Variants in SMYD3 observed in about 807,000 individuals in gnomAD.
SMYD3 encodes histone-lysine N-methyltransferase SMYD3.
Under a neutral mutation model 57.7 loss-of-function variants are expected in SMYD3, and 36 were observed. The observed-to-expected ratio is 0.62, with a 90% CI of 0.48 to 0.82. The LOEUF is 0.82. Among genes scored for constraint, SMYD3 ranks in the 40% least tolerant of loss-of-function variants. The pLI is 0.00. For synonymous variants in SMYD3, 211 were observed against 195.0 expected, an observed-to-expected ratio of 1.08 and a Z score of -0.68; for missense variants, 515 against 538.8, an observed-to-expected ratio of 0.96 and a Z score of 0.44.
At chr1:245,916,903 G>A (rs1352839031) in intron 7 of SMYD3, among the ~76,000 whole-genome samples, 4 of 152,148 alleles carry the variant, frequency 2.6e-5, no homozygotes, top group African/African-American at 9.7e-5. Context: ...CCCCGCATTG[G>A]TGCCAGTGCG....
At chr1:246,506,282 C>T (rs962377378) in intron 1 of SMYD3, among the ~76,000 whole-genome samples, 3 of 152,342 alleles carry the variant, frequency 2.0e-5, no homozygotes, top group Admixed American at 2.0e-4. Flanking sequence ...TCACATAGCA[C>T]TTTACACCGG....
chr1:246,148,134 T>C (rs2061885017), intron 5 of SMYD3, among the ~76,000 whole-genome samples: 1 of 151,694 alleles, frequency 6.6e-6, no homozygotes, highest in Non-Finnish European at 1.5e-5. Flanking sequence ...GGGACCGGAG[T>C]GGGGACTTGT....
intron 5 of SMYD3, among the ~76,000 whole-genome samples, chr1:246,067,382 C>A (rs1235136311): frequency 6.6e-6 from 1 of 152,172 alleles, no homozygotes; most frequent in Non-Finnish European, 1.5e-5. Context: ...TCACTCCCTT[C>A]AGCATTCTTC....
intron 1 of SMYD3, chr1:246,483,576 T>A (rs1039473095): frequency 7.2e-5 from 11 of 152,218 alleles, no homozygotes; most frequent in Admixed American, 1.3e-4. Flanking sequence ...GCTATCTCTA[T>A]TGCAGATGTA....
intron 5 of SMYD3, among the ~76,000 whole-genome samples, chr1:246,138,660 C>G (rs1399053173): frequency 1.5e-5 from 2 of 135,584 alleles, no homozygotes. Flanking sequence ...CTCCTGACCT[C>G]GTGATCCGCC....
intron 10 of SMYD3, among the ~76,000 whole-genome samples, chr1:245,813,899 T>C (rs1322615552): frequency 2.2e-4 from 22 of 100,584 alleles, no homozygotes; most frequent in African/African-American, 6.6e-4. Flanking sequence ...TATATATATA[T>C]ATATACAGAT....
chr1:246,096,864 G>C (rs2060924864), intron 5 of SMYD3, among the ~76,000 whole-genome samples: 1 of 152,154 alleles, frequency 6.6e-6, no homozygotes. Context: ...ACCACCAAAT[G>C]ATCTGTCCAT....
chr1:246,048,012 G>A lies in SMYD3; in HGVS notation c.532-118075C>T, dbSNP rs75252878. ...GTCAAGAGACAAGTGACATCCTAGC[G>A]AAAATATCCGTAAAATGTTGAACAA... On this transcript the variant is annotated intron_variant, in intron 5 of 11. Coordinates refer to ENST00000490107, the MANE Select transcript of SMYD3 (RefSeq NM_001167740.2). Among the ~76,000 whole-genome samples the A allele has an allele frequency of 0.012, 1,881 of 152,088 alleles. 189 individuals carry two copies. In the East Asian group the frequency reaches 0.23, roughly 19 times the overall value.
At chr1:246,176,191 C>A (rs966995112) in intron 5 of SMYD3, among the ~76,000 whole-genome samples, 1 of 152,080 alleles carries the variant, frequency 6.6e-6, no homozygotes, top group African/African-American at 2.4e-5. Flanking sequence ...TCTTTTTTAT[C>A]TGCTACTTAG....
At chr1:246,506,809 T>A (rs900270530) in intron 1 of SMYD3, among the ~76,000 whole-genome samples, 2 of 142,040 alleles carry the variant, frequency 1.4e-5, no homozygotes, top group Non-Finnish European at 3.0e-5. Context: ...CAGCCCAGGT[T>A]GGGGGGCAGT....
intron 5 of SMYD3, among the ~76,000 whole-genome samples, chr1:245,995,474 G>A (rs2058909851): frequency 6.6e-6 from 1 of 152,234 alleles, no homozygotes; most frequent in Non-Finnish European, 1.5e-5. Flanking sequence ...AACGTGTTTG[G>A]TAAATATTTA....
rs112792525 is a variant in SMYD3 at position 246,484,098 on chromosome 1, A to G, written c.164+22956T>C. 1.3e-3 allele frequency among the ~76,000 whole-genome samples: 87 copies of G among 66,294 alleles called. 1 individual carries two copies. Among genetic ancestry groups the G allele is most frequent in the African/African-American group, 3.4e-3 (29 of 8,480 alleles). 43.5% of individuals were successfully genotyped at this position (66,294 alleles called of 152,430 possible). On this transcript the variant is annotated intron_variant, in intron 1 of 11. Transcript: ENST00000490107. ...CATTGTACTAGTTACACCTAAAAAC[A>G]CATCACTTCAACCAAAATACCTAAA... is the stretch of plus-strand genomic sequence containing the variant.
At chr1:246,410,179 C>T (rs1572474207) in intron 1 of SMYD3, among the ~76,000 whole-genome samples, 3 of 152,104 alleles carry the variant, frequency 2.0e-5, no homozygotes, top group African/African-American at 2.4e-5. Flanking sequence ...TCCTGCCTGA[C>T]TGCCCTGGCC....
At chr1:246,091,490 CA>C in intron 5 of SMYD3, among the ~76,000 whole-genome samples, 1 of 96,242 alleles carries the variant, frequency 1.0e-5, no homozygotes, top group Non-Finnish European at 2.7e-5. Flanking sequence ...TAAACCTCAG[CA>C]CAAAAAAAAA....
At chr1:245,833,822 C>G (rs2049975153) in intron 10 of SMYD3, among the ~76,000 whole-genome samples, 1 of 152,198 alleles carries the variant, frequency 6.6e-6, no homozygotes. Context: ...GCGTGAGAAG[C>G]CAGACACACT....
intron 1 of SMYD3, among the ~76,000 whole-genome samples, chr1:246,497,059 A>C (rs2103074061): frequency 6.6e-6 from 1 of 152,256 alleles, no homozygotes; most frequent in East Asian, 1.9e-4. Flanking sequence ...AGTGGCCTTT[A>C]TTTTTTCTAT....
intron 10 of SMYD3, among the ~76,000 whole-genome samples, chr1:245,837,527 G>C (rs137988247): frequency 6.6e-6 from 1 of 152,114 alleles, no homozygotes; most frequent in Non-Finnish European, 1.5e-5. Context: ...ATGAGGGCAC[G>C]TACACGAGGG....
In SMYD3 at chr1:246,014,998, C is replaced by G. The variant is rs184147336; in HGVS notation, c.532-85061G>C. Among the ~76,000 whole-genome samples the G allele has an allele frequency of 2.2e-3, 329 of 152,238 alleles. 2 individuals carry two copies. The highest frequency in any genetic ancestry group is 9.1e-3 in the South Asian group (44 of 4,816). ...CAAAGACTGAAATCTGTCAACACAC[C>G]TGAACAGACTCCTATCTGCTTTGCG... On this transcript the variant is annotated intron_variant, in intron 5 of 11. Transcript: ENST00000490107.
intron 5 of SMYD3, among the ~76,000 whole-genome samples, chr1:246,318,708 A>G (rs1260284203): frequency 6.6e-6 from 1 of 152,254 alleles, no homozygotes; most frequent in Non-Finnish European, 1.5e-5. Flanking sequence ...CAAGTTATAC[A>G]CTTAAATAGA....
Sources: gnomAD v4.1 joint callset for allele counts (sites outside exome capture counted in the v4.1 genomes callset) on GRCh38, gnomAD v4.1.1 for gene constraint, MANE v1.5 for transcripts, NCBI Gene and HGNC (gene_info 2026-07-23, HGNC 2026-07-21) for gene names.